Variants in PAPPA observed in about 807,000 individuals in gnomAD.
The protein encoded by PAPPA is pappalysin-1.
A neutral mutation model predicts 164.0 loss-of-function variants in PAPPA; 60 were observed. The observed-to-expected ratio is 0.37, with a 90% CI of 0.30 to 0.45. The LOEUF is 0.45. Among genes scored for constraint, PAPPA ranks in the 20% least tolerant of loss-of-function variants. The probability of loss-of-function intolerance (pLI) is 1.00; values close to 1 mark genes in which losing one functional copy is unlikely to be tolerated. For synonymous variants in PAPPA, 875 were observed against 814.1 expected, an observed-to-expected ratio of 1.07 and a Z score of -1.27; for missense variants, 1,782 against 2,087.3, an observed-to-expected ratio of 0.85 and a Z score of 2.85.
chr9:116,219,676 T>C (rs1197581481), intron 4 of PAPPA, among the ~76,000 whole-genome samples: 3 of 152,156 alleles, frequency 2.0e-5, no homozygotes, highest in South Asian at 2.1e-4. Flanking sequence ...TCTGGGCTGC[T>C]CTCTTCCCAG....
rs755120972 is a variant in PAPPA, at chr9:116,154,140, G to A, written c.-33G>A. ...GCTGGCAGCTCCGGGTGGCGGTGCA[G>A]GGGCGAAGGGGGGGCGGGGGGAACC... On this transcript the variant is annotated 5_prime_UTR_variant, in exon 1 of 22. Coordinates refer to ENST00000328252, the MANE Select transcript of PAPPA (RefSeq NM_002581.5). The surrounding 1 kb of genome is among the most constrained non-coding windows in gnomAD (Gnocchi z 5.2). 269 of 1,432,316 alleles carry A rather than the reference G, an allele frequency of 1.9e-4. No homozygotes were observed. Among genetic ancestry groups the A allele is most frequent in the Non-Finnish European group, 2.4e-4 (256 of 1,083,536 alleles). 88.7% of individuals were successfully genotyped at this position (1,432,316 alleles called of 1,614,324 possible).
At chr9:116,307,663 ATTAAT>A (rs1200068047) in intron 10 of PAPPA, among the ~76,000 whole-genome samples, 1 of 152,202 alleles carries the variant, frequency 6.6e-6, no homozygotes, top group Non-Finnish European at 1.5e-5. Context: ...CAATTTATAC[ATTAAT>A]TTATTTATTC....
intron 7 of PAPPA, among the ~76,000 whole-genome samples, chr9:116,251,251 C>A (rs1399718325): frequency 1.3e-5 from 2 of 151,994 alleles, no homozygotes; most frequent in African/African-American, 4.8e-5. Context: ...TTACATTTTC[C>A]CCAAGTGCAC....
chr9:116,368,754 C>T (rs1215500935), intron 19 of PAPPA, among the ~76,000 whole-genome samples: 2 of 152,220 alleles, frequency 1.3e-5, no homozygotes, highest in Non-Finnish European at 2.9e-5. Flanking sequence ...AACCAGCCTA[C>T]TGCCTGGGGT....
In PAPPA at chr9:116,352,833, G is replaced by C. The variant is rs750347947; in HGVS notation, c.4092G>C (p.Glu1364Asp). 1.9e-6 allele frequency: 3 copies of C among 1,613,882 alleles called. No homozygotes were observed. The highest frequency in any genetic ancestry group is 2.5e-6 in the Non-Finnish European group (3 of 1,179,948). Residue 1364 changes from glutamate (E) to aspartate (D), a missense_variant, in exon 16 of 22, where the codon GAG (glutamate) becomes GAC (aspartate). Glu to Asp is a conservative substitution (Grantham distance 45, BLOSUM62 2). Coordinates refer to ENST00000328252, the MANE Select transcript of PAPPA (RefSeq NM_002581.5). ...ACCTCCAGACCGCCCGGTGCCGAGA[G>C]AATAAGCACAAGGTGGGCTCCTTCT... ...NADLQTARCR[E>D]NKHKVGSFCK...
intron 1 of PAPPA, among the ~76,000 whole-genome samples, chr9:116,181,542 T>C (rs1843905201): frequency 6.6e-6 from 1 of 152,230 alleles, no homozygotes; most frequent in Non-Finnish European, 1.5e-5. Flanking sequence ...CCAAATACAG[T>C]TAAATTCCAA....
intron 13 of PAPPA, among the ~76,000 whole-genome samples, chr9:116,342,349 A>G (rs754577251): frequency 2.6e-5 from 4 of 152,188 alleles, no homozygotes; most frequent in African/African-American, 4.8e-5. Flanking sequence ...AGGAGTAAGA[A>G]AAAGGGCAGA....
intron 14 of PAPPA, among the ~76,000 whole-genome samples, chr9:116,345,686 G>A (rs544483052): frequency 6.6e-6 from 1 of 152,316 alleles, no homozygotes; most frequent in African/African-American, 2.4e-5. Flanking sequence ...CTAGCAGTAA[G>A]ACTGGTAGCA....
At chr9:116,377,856 A>G (rs558133391) in intron 20 of PAPPA, among the ~76,000 whole-genome samples, 3 of 152,152 alleles carry the variant, frequency 2.0e-5, no homozygotes, top group Admixed American at 1.3e-4. Flanking sequence ...ACTAAAAAGC[A>G]TAGGGAATGG....
rs921463829 is a variant in PAPPA at position 116,211,636 on chromosome 9, C to T, written c.1625-3C>T. 1 of 1,611,994 alleles carries T rather than the reference C, an allele frequency of 6.2e-7. No homozygotes were observed. The highest frequency in any genetic ancestry group is 8.5e-7 in the Non-Finnish European group (1 of 1,178,194). On this transcript the variant is annotated splice_region_variant and splice_polypyrimidine_tract_variant and intron_variant, in intron 3 of 21. Coordinates refer to ENST00000328252, the MANE Select transcript of PAPPA (RefSeq NM_002581.5). ...GCCTGATTCTCTGGATTTCCCCTTA[C>T]AGGTGGCATTGTCTTGAACCCATCT...
At chr9:116,329,112 G>A (rs1420431389) in intron 10 of PAPPA, among the ~76,000 whole-genome samples, 4 of 152,148 alleles carry the variant, frequency 2.6e-5, no homozygotes, top group Non-Finnish European at 4.4e-5. Context: ...GTAATGGAAA[G>A]AGAGACATTT....
At chr9:116,380,819 A>G (rs1349653240) in intron 20 of PAPPA, among the ~76,000 whole-genome samples, 1 of 152,158 alleles carries the variant, frequency 6.6e-6, no homozygotes, top group East Asian at 1.9e-4. Flanking sequence ...TTCAGGGTGA[A>G]AAGTTTCTGT....
chr9:116,227,729 C>T (rs1470426564), intron 6 of PAPPA, among the ~76,000 whole-genome samples, 177 bp downstream of exon 6: 1 of 152,190 alleles, frequency 6.6e-6, no homozygotes, highest in Non-Finnish European at 1.5e-5. Context: ...ACTTTTTGAG[C>T]ACTTGCACTA....
At chr9:116,321,809 G>T (rs1476815530) in intron 10 of PAPPA, among the ~76,000 whole-genome samples, 1 of 152,220 alleles carries the variant, frequency 6.6e-6, no homozygotes. Flanking sequence ...GAAAAGGAAA[G>T]AGAAGTCAGG....
chr9:116,361,323 A>G (rs558805322), intron 17 of PAPPA, among the ~76,000 whole-genome samples: 48 of 152,272 alleles, frequency 3.2e-4, no homozygotes, highest in Admixed American at 7.8e-4. Flanking sequence ...ATCCTTCACA[A>G]TATGGGCCCC....
At chr9:116,158,083 G>C (rs191524733) in intron 1 of PAPPA, among the ~76,000 whole-genome samples, 1 of 152,072 alleles carries the variant, frequency 6.6e-6, no homozygotes, top group Admixed American at 6.6e-5. Flanking sequence ...TTAGTGATTC[G>C]GAATTCCTGC....
chr9:116,384,560 T>C (rs2118707661), intron 21 of PAPPA, among the ~76,000 whole-genome samples: 1 of 152,326 alleles, frequency 6.6e-6, no homozygotes, highest in East Asian at 1.9e-4. Context: ...TGTAACCATT[T>C]ACTTCAACTT....
At chr9:116,341,837 A>G (rs879848944) in intron 13 of PAPPA, among the ~76,000 whole-genome samples, 12 of 152,220 alleles carry the variant, frequency 7.9e-5, no homozygotes, top group Non-Finnish European at 1.3e-4. Flanking sequence ...TCCACTTTAC[A>G]GATAAAGAAA....
chr9:116,154,410 C>T lies in PAPPA; in HGVS notation c.238C>T (p.Gln80Ter). ...EAVRVPRRRQQREARGATEEP... is the reference protein window; with the variant it reads ...EAVRVPRRRQ ...CGTGCGCGTCCCCCGGCGGCGGCAG[C>T]AGCGGGAGGCGAGGGGCGCCACCGA... The change falls in exon 1 of 22, where the codon CAG (glutamine) becomes TAG (stop). Residue 80 changes from glutamine to a stop codon, truncating the protein, a stop_gained. Transcript: ENST00000328252. LOFTEE classifies it high-confidence loss of function. This position sits in a 1 kb window ranked among gnomAD's most constrained non-coding sequence, Gnocchi z 5.2. The T allele has an allele frequency of 8.4e-7, 1 of 1,196,530 alleles. No homozygotes were observed. The highest frequency in any genetic ancestry group is 1.1e-6 in the Non-Finnish European group (1 of 947,282). 74.1% of individuals were successfully genotyped at this position (1,196,530 alleles called of 1,614,324 possible).
Sources: allele counts gnomAD v4.1 joint callset (sites outside exome capture counted in the v4.1 genomes callset), GRCh38; gene constraint gnomAD v4.1.1; non-coding constraint Gnocchi (gnomAD v3.1); transcripts MANE v1.5; gene names NCBI Gene and HGNC (gene_info 2026-07-23, HGNC 2026-07-21).